The following MTOR variants were observed in gnomAD, a reference collection of about 807,000 sequenced individuals.
The protein encoded by MTOR is serine/threonine-protein kinase mTOR.
Under a neutral mutation model 319.8 loss-of-function variants are expected in MTOR, and 70 were observed. The ratio of observed to expected loss-of-function variants is 0.22; its 90% CI spans 0.18 to 0.27. The LOEUF is 0.27. Ranked by LOEUF, MTOR falls within the 10% of genes least tolerant of loss-of-function variation. MTOR has a pLI of 1.00. For synonymous variants in MTOR, 1,183 were observed against 1,211.4 expected (o/e 0.98, Z 0.49); for missense variants, 1,890 against 3,274.4 (o/e 0.58, Z 10.32).
chr1:11,189,857 C>T lies in MTOR; in HGVS notation c.4253+9401G>A, dbSNP rs1473821816. The T allele has an allele frequency of 8.7e-6, 14 of 1,614,034 alleles. No individual in the cohort carries two copies. Among genetic ancestry groups the T allele is most frequent in the Middle Eastern group, 1.6e-4 (1 of 6,084 alleles). On this transcript the variant is annotated intron_variant, in intron 28 of 57. Coordinates refer to ENST00000361445, the MANE Select transcript of MTOR (RefSeq NM_004958.4). ...GAGAGCAACAGCAAGCGCATGGAGT[C>T]GCGGCTCACAGATGCTGAGAGCAAG...
rs1641857963 is a variant in MTOR, at chr1:11,111,321, A to C, written c.7366+1531T>G. On this transcript the variant is annotated intron_variant, in intron 54 of 57. Coordinates refer to ENST00000361445, the MANE Select transcript of MTOR (RefSeq NM_004958.4). ...TGGTGAAACCCTATCTCTACTAAAA[A>C]TTCAAAAAAATTAGCTGAGCATGGT... 1.3e-5 allele frequency among the ~76,000 whole-genome samples: 2 copies of C among 152,020 alleles called. 1 individual carries two copies. Among genetic ancestry groups the C allele is most frequent in the African/African-American group, 4.8e-5 (2 of 41,394 alleles).
At chr1:11,166,154 C>T (rs1410456222) in intron 29 of MTOR, among the ~76,000 whole-genome samples, 4 of 152,148 alleles carry the variant, frequency 2.6e-5, no homozygotes, top group Admixed American at 2.6e-4. Flanking sequence ...TAGAAGAAAA[C>T]CTAGGCAATA....
intron 45 of MTOR, 67 bp downstream of exon 45, chr1:11,126,943 T>TTA (rs1350750185): frequency 4.3e-5 from 69 of 1,596,956 alleles, no homozygotes; most frequent in Non-Finnish European, 5.6e-5. Context: ...TGTTAGAACA[T>TTA]TCATAGACAG....
intron 4 of MTOR, 29 bp from the exon 5 acceptor site, chr1:11,256,221 C>T (rs2100975669): frequency 6.3e-7 from 1 of 1,599,130 alleles, no homozygotes; most frequent in Non-Finnish European, 8.5e-7. Flanking sequence ...CGAGAACTCT[C>T]ATTGGTACCA....
Position 11,212,985 on chromosome 1 carries a change from A to G in MTOR, c.3286-77T>C. On this transcript the variant is annotated intron_variant, in intron 21 of 57. Transcript: ENST00000361445. This position sits in a 1 kb window ranked among gnomAD's most constrained non-coding sequence, Gnocchi z 4.1. ...AAGGACACGCAGCGGGTGGTGGTGT[A>G]GACAATTCAAAGTTCTCTGGGGACT... 1 of 1,160,048 alleles carries G rather than the reference A, an allele frequency of 8.6e-7. No homozygotes were observed. Among genetic ancestry groups the G allele is most frequent in the Non-Finnish European group, 1.3e-6 (1 of 776,626 alleles). The allele number at this position is 1,160,048 out of a possible 1,614,324, so 71.9% of individuals were successfully genotyped here.
At chr1:11,165,090 G>C (rs550923025) in intron 29 of MTOR, among the ~76,000 whole-genome samples, 1 of 152,022 alleles carries the variant, frequency 6.6e-6, no homozygotes, top group Non-Finnish European at 1.5e-5. Context: ...TATTGATGGG[G>C]CGTATCTCAA....
intron 25 of MTOR, among the ~76,000 whole-genome samples, chr1:11,207,790 C>T (rs968131251): frequency 1.3e-5 from 2 of 151,972 alleles, no homozygotes; most frequent in African/African-American, 4.8e-5. Context: ...GCCACCATGC[C>T]CAGCTCCCAC....
intron 18 of MTOR, 131 bp downstream of exon 18, chr1:11,230,794 A>G: frequency 1.3e-5 from 16 of 1,259,514 alleles, no homozygotes; most frequent in Non-Finnish European, 1.7e-5. Flanking sequence ...CTGACTTTTC[A>G]TTCAAAAGTT....
chr1:11,229,476 A>T (rs1178738257), intron 18 of MTOR, among the ~76,000 whole-genome samples: 1 of 152,150 alleles, frequency 6.6e-6, no homozygotes, highest in African/African-American at 2.4e-5. Flanking sequence ...ACAGATGAAG[A>T]GCTGGGCTGA....
intron 28 of MTOR, among the ~76,000 whole-genome samples, chr1:11,193,210 G>C (rs1472851224): frequency 6.6e-6 from 1 of 151,666 alleles, no homozygotes; most frequent in Non-Finnish European, 1.5e-5. Flanking sequence ...CAGCTACTAG[G>C]AAGGCAGGAG....
At chr1:11,216,653 TAAA>T (rs34042645) in intron 19 of MTOR, among the ~76,000 whole-genome samples, 43 of 134,008 alleles carry the variant, frequency 3.2e-4, no homozygotes, top group South Asian at 4.9e-4. Context: ...CCCTGTCTCT[TAAA>T]AAAAAAAAAA....
At chr1:11,114,997 C>A in intron 51 of MTOR, 110 bp from the exon 52 acceptor site, 2 of 886,426 alleles carry the variant, frequency 2.3e-6, no homozygotes, top group Non-Finnish European at 1.8e-6. Flanking sequence ...TTAATTATAG[C>A]AGGGAAAGGA....
In MTOR at chr1:11,199,280, C is replaced by T. The variant is rs757080609; in HGVS notation, c.4231G>A (p.Ala1411Thr). Residue 1411 changes from alanine (A) to threonine (T), a missense_variant, in exon 28 of 58, where the codon GCC (alanine) becomes ACC (threonine). Transcript: ENST00000361445. The surrounding 1 kb of genome is among the most constrained non-coding windows in gnomAD (Gnocchi z 4.5). Reference protein sequence around the residue: ...ELEFQKGPTPAILESLISINN... With the variant: ...ELEFQKGPTPTILESLISINN... The stretch of plus-strand genomic sequence containing the variant: ...TACCTGATGAGAGATTCTAGAATGG[C>T]AGGGGTGGGGCCTTTCTGGAACTCC... 1 of 1,614,094 alleles carries T rather than the reference C, an allele frequency of 6.2e-7. No homozygotes were observed. Among genetic ancestry groups the T allele is most frequent in the Non-Finnish European group, 8.5e-7 (1 of 1,180,012 alleles).
intron 26 of MTOR, among the ~76,000 whole-genome samples, chr1:11,203,984 T>C (rs1241075439): frequency 1.3e-5 from 2 of 152,234 alleles, no homozygotes; most frequent in Non-Finnish European, 2.9e-5. Context: ...AGCAAACTCA[T>C]GGAGTGATCC....
At chr1:11,117,359 C>G (rs1340334233) in intron 49 of MTOR, among the ~76,000 whole-genome samples, 1 of 152,152 alleles carries the variant, frequency 6.6e-6, no homozygotes, top group African/African-American at 2.4e-5. Flanking sequence ...CGGGGTTTCA[C>G]TATGTTGGCC....
intron 35 of MTOR, 36 bp downstream of exon 35, chr1:11,139,497 C>A: frequency 1.9e-6 from 3 of 1,614,124 alleles, no homozygotes; most frequent in Middle Eastern, 1.6e-4. Context: ...ACCATGGGGC[C>A]CTACCTGCCC....
intron 13 of MTOR, 49 bp downstream of exon 13, chr1:11,237,794 C>T (rs764395620): frequency 6.2e-6 from 10 of 1,600,206 alleles, no homozygotes; most frequent in African/African-American, 5.4e-5. Flanking sequence ...GTTCTCACAG[C>T]GAGAGTCCTG....
At chr1:11,207,305 T>C (rs372124122) in intron 25 of MTOR, among the ~76,000 whole-genome samples, 28 of 152,058 alleles carry the variant, frequency 1.8e-4, no homozygotes, top group African/African-American at 6.5e-4. Context: ...TTTTGCCATG[T>C]TGCCCCAGCT....
Position 11,127,857 on chromosome 1 carries a change from A to G in MTOR, c.6034-51T>C, listed in dbSNP as rs1309878712. The stretch of plus-strand genomic sequence containing the variant: ...AGCATCAAGAATCAGCTAACCTCAG[A>G]AAGGTCTGTTTTGGAGACACAGGAG... On this transcript the variant is annotated intron_variant, in intron 43 of 57. Coordinates refer to ENST00000361445, the MANE Select transcript of MTOR (RefSeq NM_004958.4). The surrounding 1 kb of genome is among the most constrained non-coding windows in gnomAD (Gnocchi z 5.5). The G allele has an allele frequency of 6.3e-7, 1 of 1,594,238 alleles. No individual in the cohort carries two copies. The highest frequency in any genetic ancestry group is 1.1e-5 in the South Asian group (1 of 88,000).
Sources: gnomAD v4.1 joint callset for allele counts (sites outside exome capture counted in the v4.1 genomes callset) on GRCh38, gnomAD v4.1.1 for gene constraint, Gnocchi (gnomAD v3.1) non-coding constraint, MANE v1.5 for transcripts, NCBI Gene and HGNC (gene_info 2026-07-23, HGNC 2026-07-21) for gene names.